Variants in PDZRN3 observed in about 807,000 individuals in gnomAD.
PDZRN3 encodes the protein E3 ubiquitin-protein ligase PDZRN3.
In PDZRN3, 38 loss-of-function variants were observed where a neutral mutation model predicts 85.7. The observed-to-expected ratio is 0.44, with a 90% CI of 0.34 to 0.58. The LOEUF (loss-of-function observed/expected upper bound fraction) is 0.58, where lower values mean the gene tolerates loss of function less well. Ranked by LOEUF, PDZRN3 falls within the 20% of genes least tolerant of loss-of-function variation. PDZRN3 has a pLI of 0.01. For missense variants in PDZRN3, 1,629 were observed against 1,506.4 expected (o/e 1.08, Z -1.35); for synonymous variants, 759 against 638.0 (o/e 1.19, Z -2.86).
intron 3 of PDZRN3, among the ~76,000 whole-genome samples, chr3:73,583,086 C>T (rs1440811704): frequency 6.6e-6 from 1 of 152,084 alleles, no homozygotes; most frequent in African/African-American, 2.4e-5. Flanking sequence ...TGAGGACTTG[C>T]TACGTACTAA....
At chr3:73,447,733 G>A (rs761928724) in intron 3 of PDZRN3, among the ~76,000 whole-genome samples, 6 of 152,146 alleles carry the variant, frequency 3.9e-5, no homozygotes, top group Non-Finnish European at 5.9e-5. Context: ...ATTACTTACC[G>A]GCGGAACTGA....
intron 3 of PDZRN3, among the ~76,000 whole-genome samples, chr3:73,542,022 T>C (rs541296711): frequency 1.3e-5 from 2 of 152,256 alleles, no homozygotes; most frequent in Admixed American, 6.5e-5. Flanking sequence ...GAGATGCCAT[T>C]AGAACCTAAA....
intron 3 of PDZRN3, among the ~76,000 whole-genome samples, chr3:73,420,935 A>G (rs1702187936): frequency 6.6e-6 from 1 of 152,214 alleles, no homozygotes; most frequent in Non-Finnish European, 1.5e-5. Context: ...TTGCTATTGT[A>G]GGCTTGGCAT....
chr3:73,402,362 G>C (rs1366381790), intron 4 of PDZRN3: 3 of 152,240 alleles, frequency 2.0e-5, no homozygotes, highest in Non-Finnish European at 2.9e-5. Flanking sequence ...CATACTCAGT[G>C]AATCAGCCAG....
intron 3 of PDZRN3, among the ~76,000 whole-genome samples, chr3:73,515,049 G>C (rs188994726): frequency 6.6e-6 from 1 of 151,998 alleles, no homozygotes; most frequent in Non-Finnish European, 1.5e-5. Context: ...CTCCACCCCA[G>C]TACTTTACCC....
At chr3:73,558,790 C>A (rs139270662) in intron 3 of PDZRN3, among the ~76,000 whole-genome samples, 236 of 152,328 alleles carry the variant, frequency 1.5e-3, no homozygotes, top group South Asian at 8.1e-3. Flanking sequence ...GTAAGCTTTA[C>A]AATAACCTCT....
At chr3:73,418,231 C>A (rs563428366) in intron 3 of PDZRN3, among the ~76,000 whole-genome samples, 6 of 152,062 alleles carry the variant, frequency 3.9e-5, no homozygotes, top group African/African-American at 1.4e-4. Context: ...TGGGTTAATA[C>A]CTTATCTTAG....
chr3:73,427,359 G>A lies in PDZRN3; in HGVS notation c.919-22964C>T, dbSNP rs760568152. Among the ~76,000 whole-genome samples, 7 of 152,248 alleles carry A rather than the reference G, an allele frequency of 4.6e-5. No homozygotes were observed. In the East Asian group the frequency reaches 7.7e-4, roughly 17 times the overall value. ...TTCCCTGCTTAATTCCACACTGGTCGGAGAATGCAGGATTAGTGGGGCTCT... is the reference window on the plus strand; with the variant it reads ...TTCCCTGCTTAATTCCACACTGGTCAGAGAATGCAGGATTAGTGGGGCTCT... On this transcript the variant is annotated intron_variant, in intron 3 of 9. Transcript: ENST00000263666.
chr3:73,573,069 C>T (rs1357002268), intron 3 of PDZRN3, among the ~76,000 whole-genome samples: 2 of 152,192 alleles, frequency 1.3e-5, no homozygotes, highest in African/African-American at 4.8e-5. Context: ...TGATAGTTGA[C>T]TGGAAACCAG....
chr3:73,565,422 C>T (rs1701925427), intron 3 of PDZRN3, among the ~76,000 whole-genome samples: 1 of 152,048 alleles, frequency 6.6e-6, no homozygotes, highest in African/African-American at 2.4e-5. Context: ...ACCACCATAC[C>T]CGGCCTATAT....
intron 2 of PDZRN3, among the ~76,000 whole-genome samples, chr3:73,606,279 G>T (rs1195466315): frequency 6.6e-6 from 1 of 152,208 alleles, no homozygotes; most frequent in Non-Finnish European, 1.5e-5. Context: ...GAATAATTAT[G>T]AATGTAAACA....
chr3:73,490,179 C>G (rs1703744309), intron 3 of PDZRN3, among the ~76,000 whole-genome samples: 1 of 152,208 alleles, frequency 6.6e-6, no homozygotes. Context: ...GGGCACACCT[C>G]TCCCTCTGAA....
At position 73,383,986 on chromosome 3, in the gene PDZRN3, C is replaced by T. The variant is rs141906672; in HGVS notation, c.2580G>A (p.Leu860=). Residue 860 remains leucine (L), a synonymous_variant, in exon 10 of 10, where the codon CTG becomes CTA. Coordinates refer to ENST00000263666, the MANE Select transcript of PDZRN3 (RefSeq NM_015009.3). ...TGTATGGGGAGTGGTGATAGGAGGG[C>T]AGGTAGGCGCTGCCCAGCTTCTGGC... ...TPSQKLGSAY[L]PSYHHSPYKH... is the part of the protein sequence containing the mutation. The T allele has an allele frequency of 4.6e-5, 73 of 1,590,608 alleles. No homozygotes were observed. The Middle Eastern group carries it at 6.7e-4, about 15-fold the overall frequency.
At chr3:73,481,956 C>G (rs1401003353) in intron 3 of PDZRN3, among the ~76,000 whole-genome samples, 3 of 152,172 alleles carry the variant, frequency 2.0e-5, no homozygotes, top group Non-Finnish European at 4.4e-5. Context: ...GGACTAAACA[C>G]AGATGTCCTA....
At position 73,569,260 on chromosome 3, in the gene PDZRN3, C is replaced by T. The variant is rs370712851; in HGVS notation, c.918+33094G>A. ...TCTGCAAAGATGAACAAGAGGAGCCCGAAGAATGTCGTATGAAATGAAGAC... is the reference window on the plus strand; with the variant it reads ...TCTGCAAAGATGAACAAGAGGAGCCTGAAGAATGTCGTATGAAATGAAGAC... On this transcript the variant is annotated intron_variant, in intron 3 of 9. Transcript: ENST00000263666. The T allele has an allele frequency of 3.0e-4, 381 of 1,275,892 alleles. 1 individual carries two copies. The South Asian group carries it at 4.5e-3, about 15-fold the overall frequency. 79.0% of individuals were successfully genotyped at this position (1,275,892 alleles called of 1,614,324 possible). A position where few individuals can be genotyped will look rare whatever the true frequency, so the allele number is the denominator to read the frequency against.
At chr3:73,387,678 A>T (rs1325783982) in intron 8 of PDZRN3, among the ~76,000 whole-genome samples, 1 of 152,144 alleles carries the variant, frequency 6.6e-6, no homozygotes, top group Non-Finnish European at 1.5e-5. Flanking sequence ...AAATGTCTTG[A>T]CGTGACCCCG....
intron 3 of PDZRN3, among the ~76,000 whole-genome samples, chr3:73,579,620 C>CAGGGACT (rs1423623885): frequency 6.6e-6 from 1 of 152,126 alleles, no homozygotes; most frequent in Non-Finnish European, 1.5e-5. Context: ...TTGTAAATGA[C>CAGGGACT]AGGGACTACA....
At chr3:73,513,690 T>C (rs1410276407) in intron 3 of PDZRN3, among the ~76,000 whole-genome samples, 1 of 152,190 alleles carries the variant, frequency 6.6e-6, no homozygotes, top group Non-Finnish European at 1.5e-5. Flanking sequence ...CTCATTCAAT[T>C]TTCTCAGACT....
In PDZRN3 at chr3:73,417,081, C is replaced by T. The variant is rs537056657; in HGVS notation, c.919-12686G>A. Among the ~76,000 whole-genome samples, 8 of 151,926 alleles carry T rather than the reference C, an allele frequency of 5.3e-5. No individual in the cohort carries two copies. The South Asian group carries it at 1.7e-3, about 32-fold the overall frequency. ...ATTTTTAGTAGAGACGGGGTTTCAC[C>T]ATGTTGGCCAGGCTGGTCTTGAACT... On this transcript the variant is annotated intron_variant, in intron 3 of 9. Transcript: ENST00000263666.
Sources: gnomAD v4.1 joint callset for allele counts (sites outside exome capture counted in the v4.1 genomes callset) on GRCh38, gnomAD v4.1.1 for gene constraint, MANE v1.5 for transcripts, NCBI Gene and HGNC (gene_info 2026-07-23, HGNC 2026-07-21) for gene names.